FAR2: variants seen among roughly 807,000 people sequenced by gnomAD.
The protein encoded by FAR2 is fatty acyl-CoA reductase 2, also known as epididymis secretory protein Li 81.
Under a neutral mutation model 56.0 loss-of-function variants are expected in FAR2, and 19 were observed. The observed-to-expected ratio is 0.34, with a 90% CI of 0.24 to 0.50. The LOEUF is 0.50. FAR2 is among the 20% of genes least tolerant of loss of function. The pLI is 0.98. For synonymous variants in FAR2, 219 were observed against 218.8 expected, an observed-to-expected ratio of 1.00 and a Z score of -0.01; for missense variants, 508 against 642.2, an observed-to-expected ratio of 0.79 and a Z score of 2.26.
chr12:29,174,218 C>CT (rs1024249996), intron 1 of FAR2, among the ~76,000 whole-genome samples: 7 of 152,034 alleles, frequency 4.6e-5, no homozygotes, highest in African/African-American at 1.7e-4. Context: ...TTTGTTAGGC[C>CT]TGCTAGTCTG....
At chr12:29,161,049 T>G (rs1460488919) in intron 1 of FAR2, among the ~76,000 whole-genome samples, 1 of 152,180 alleles carries the variant, frequency 6.6e-6, no homozygotes, top group Non-Finnish European at 1.5e-5. Context: ...AGTACATATA[T>G]TTTTGGTATG....
chr12:29,194,521 CCACACACACACACA>C (rs3222956), intron 1 of FAR2, among the ~76,000 whole-genome samples: 5 of 140,792 alleles, frequency 3.6e-5, no homozygotes, highest in Non-Finnish European at 6.1e-5. Flanking sequence ...GCTAGTGATG[CCACACACACACACA>C]CACACACACA....
chr12:29,322,043 T>G, intron 10 of FAR2, 119 bp downstream of exon 10: 1 of 1,227,668 alleles, frequency 8.1e-7, no homozygotes. Context: ...GATTTTGTTT[T>G]GCTTTGTTTT....
chr12:29,192,809 G>T (rs1328716079), intron 1 of FAR2, among the ~76,000 whole-genome samples: 1 of 152,192 alleles, frequency 6.6e-6, no homozygotes, highest in East Asian at 1.9e-4. Flanking sequence ...TTTTATAACA[G>T]TTCATGAAGC....
chr12:29,164,191 A>G (rs1002936236), intron 1 of FAR2, among the ~76,000 whole-genome samples: 1 of 152,194 alleles, frequency 6.6e-6, no homozygotes, highest in South Asian at 2.1e-4. Context: ...AGCTTCATTT[A>G]GGAAGAACAA....
chr12:29,211,723 A>G (rs998552273), intron 1 of FAR2, among the ~76,000 whole-genome samples: 3 of 152,148 alleles, frequency 2.0e-5, no homozygotes, highest in African/African-American at 7.2e-5. Flanking sequence ...AGATGGTGCT[A>G]TGTGAGTGGC....
Position 29,335,197 on chromosome 12 carries a change from C to T in FAR2, c.*1403C>T, listed in dbSNP as rs1302353395. The T allele has an allele frequency of 1.3e-5, 2 of 152,100 alleles. No homozygotes were observed. Among genetic ancestry groups the T allele is most frequent in the African/African-American group, 4.8e-5 (2 of 41,416 alleles). The allele number at this position is 152,100 out of a possible 1,614,324, so 9.4% of individuals were successfully genotyped here. A position where few individuals can be genotyped will look rare whatever the true frequency, so the allele number is the denominator to read the frequency against. On this transcript the variant is annotated 3_prime_UTR_variant, in exon 12 of 12. Transcript: ENST00000536681. The stretch of plus-strand genomic sequence containing the variant: ...TAATTGGGTAATATTCAGAAAGGCA[C>T]ATCGTGGTAGTTTAAGTGTACAAGG...
intron 1 of FAR2, among the ~76,000 whole-genome samples, chr12:29,200,313 C>CT (rs2136615903): frequency 6.6e-6 from 1 of 152,296 alleles, no homozygotes; most frequent in East Asian, 1.9e-4. Flanking sequence ...GAAAAATCAG[C>CT]TGGCAAGGAG....
rs1947807650 is a variant in FAR2, at chr12:29,228,722, G to C, written c.-38-41690G>C. Among the ~76,000 whole-genome samples, 5 of 152,216 alleles carry C rather than the reference G, an allele frequency of 3.3e-5. No homozygotes were observed. In the South Asian group the frequency reaches 1.0e-3, roughly 32 times the overall value. On this transcript the variant is annotated intron_variant, in intron 1 of 11. Transcript: ENST00000536681. Reference sequence around the variant, plus strand: ...CCCACCTCATACTCCTGAGTAGCTGGGACCACAGGTGCCCGCCACCATGCC... The same window carrying C: ...CCCACCTCATACTCCTGAGTAGCTGCGACCACAGGTGCCCGCCACCATGCC...
rs999660619 is a variant in FAR2 at position 29,332,718 on chromosome 12, G to A, written c.1376G>A (p.Arg459His). ...DMAGIPKAKQ[R>H]LKRLRNIHYL... ...GCTGGGATCCCAAAAGCAAAGCAAC[G>A]CTTAAAAAGGTAAGTATAATCAGTC... Residue 459 changes from arginine (R) to histidine (H), a missense_variant, in exon 11 of 12, where the codon CGC becomes CAC. By Grantham distance (29) the Arg-to-His change is conservative. Coordinates refer to ENST00000536681, the MANE Select transcript of FAR2 (RefSeq NM_001271783.2). The A allele has an allele frequency of 9.3e-6, 15 of 1,612,566 alleles. No homozygotes were observed. Among genetic ancestry groups the A allele is most frequent in the Middle Eastern group, 1.6e-4 (1 of 6,082 alleles).
intron 3 of FAR2, among the ~76,000 whole-genome samples, chr12:29,294,104 C>G (rs758383671): frequency 6.6e-6 from 1 of 152,206 alleles, no homozygotes; most frequent in Non-Finnish European, 1.5e-5. Context: ...CATGAATGCT[C>G]ATTTTTACAG....
At chr12:29,163,861 G>A (rs181980948) in intron 1 of FAR2, among the ~76,000 whole-genome samples, 3 of 152,284 alleles carry the variant, frequency 2.0e-5, no homozygotes, top group Admixed American at 2.0e-4. Context: ...AGAAACAGGA[G>A]CCCTATTGCC....
chr12:29,329,376 T>C (rs544787147), intron 10 of FAR2, among the ~76,000 whole-genome samples: 2 of 152,358 alleles, frequency 1.3e-5, no homozygotes, highest in African/African-American at 4.8e-5. Context: ...TTTACTATTT[T>C]AACCTTTCAA....
intron 4 of FAR2, among the ~76,000 whole-genome samples, chr12:29,300,870 A>G (rs1949151639): frequency 6.6e-6 from 1 of 152,198 alleles, no homozygotes; most frequent in Non-Finnish European, 1.5e-5. Flanking sequence ...CAGTTCTGGG[A>G]AATAAAGAAG....
chr12:29,176,740 T>C (rs1282527662), intron 1 of FAR2, among the ~76,000 whole-genome samples: 1 of 152,204 alleles, frequency 6.6e-6, no homozygotes, highest in Non-Finnish European at 1.5e-5. Flanking sequence ...GAATTCAGTG[T>C]GTAAACATTT....
In FAR2 at chr12:29,297,210, T is replaced by C. The variant is rs1372129091; in HGVS notation, c.545+10T>C. 4 of 1,608,634 alleles carry C rather than the reference T, an allele frequency of 2.5e-6. No homozygotes were observed. The highest frequency in any genetic ancestry group is 1.7e-5 in the Admixed American group (1 of 58,990). On this transcript the variant is annotated intron_variant, in intron 4 of 11. Coordinates refer to ENST00000536681, the MANE Select transcript of FAR2 (RefSeq NM_001271783.2). Reference sequence around the variant, plus strand: ...TCATTGATTCCCTTGAGTAAGTTGGTCTAATAAAAGGATCAAGGGGCGGGT... The same window carrying C: ...TCATTGATTCCCTTGAGTAAGTTGGCCTAATAAAAGGATCAAGGGGCGGGT...
chr12:29,203,740 C>T (rs1034826884), intron 1 of FAR2, among the ~76,000 whole-genome samples: 2 of 152,074 alleles, frequency 1.3e-5, no homozygotes, highest in African/African-American at 2.4e-5. Context: ...TGGCTCACGC[C>T]TGTAATCCCA....
intron 2 of FAR2, among the ~76,000 whole-genome samples, chr12:29,290,989 A>T (rs1206212879): frequency 6.6e-6 from 1 of 152,192 alleles, no homozygotes; most frequent in Non-Finnish European, 1.5e-5. Context: ...TAATTTAAAG[A>T]GTATAATTGG....
chr12:29,204,040 G>A (rs1422796864), intron 1 of FAR2, among the ~76,000 whole-genome samples: 2 of 148,776 alleles, frequency 1.3e-5, no homozygotes, highest in Non-Finnish European at 1.5e-5. Context: ...TATGTCAGAG[G>A]TAAAGTGTAG....
Sources: allele counts gnomAD v4.1 joint callset (sites outside exome capture counted in the v4.1 genomes callset), GRCh38; gene constraint gnomAD v4.1.1; transcripts MANE v1.5; gene names NCBI Gene and HGNC (gene_info 2026-07-23, HGNC 2026-07-21).